Variants in SCAP observed in about 807,000 individuals in gnomAD.
The protein encoded by SCAP is sterol regulatory element-binding protein cleavage-activating protein.
In SCAP, 65 loss-of-function variants were observed where a neutral mutation model predicts 123.6. That is an observed-to-expected ratio of 0.53 (90% CI 0.43 to 0.65). SCAP has a LOEUF of 0.65. Among genes scored for constraint, SCAP ranks in the 30% least tolerant of loss-of-function variants. The pLI, the probability that SCAP is intolerant of heterozygous loss-of-function variation, is 0.00. For missense variants in SCAP, 1,398 were observed against 1,712.5 expected, an observed-to-expected ratio of 0.82 and a Z score of 3.24; for synonymous variants, 740 against 726.3, an observed-to-expected ratio of 1.02 and a Z score of -0.30.
rs151173991 is a variant in SCAP, at chr3:47,457,508, T to C, written c.-98-14417A>G. Among the ~76,000 whole-genome samples the C allele has an allele frequency of 4.6e-5, 7 of 152,330 alleles. No homozygotes were observed. The East Asian group carries it at 1.2e-3, about 25-fold the overall frequency. On this transcript the variant is annotated intron_variant, in intron 1 of 22. Transcript: ENST00000265565. Reference sequence around the variant, plus strand: ...CCTGGTGCTGAGCAGAAAGTCACTATAGGTCTGCTCACTGAGCTAAACTAG... The same window carrying C: ...CCTGGTGCTGAGCAGAAAGTCACTACAGGTCTGCTCACTGAGCTAAACTAG...
At chr3:47,416,386 ACAGCTGC>A (rs958517455) in intron 18 of SCAP, among the ~76,000 whole-genome samples, 3 of 152,244 alleles carry the variant, frequency 2.0e-5, no homozygotes, top group Non-Finnish European at 4.4e-5. Context: ...AGAGCAGAGA[ACAGCTGC>A]CAGCGGCCAA....
chr3:47,467,966 G>T (rs1027691294), intron 1 of SCAP, among the ~76,000 whole-genome samples: 1 of 150,926 alleles, frequency 6.6e-6, no homozygotes, highest in Non-Finnish European at 1.5e-5. Flanking sequence ...GAGAACATGC[G>T]GTGTTTGGTT....
chr3:47,448,018 A>G (rs1014075874), intron 1 of SCAP, among the ~76,000 whole-genome samples: 30 of 151,430 alleles, frequency 2.0e-4, no homozygotes, highest in Non-Finnish European at 1.0e-4. Context: ...AAAAAAAAAA[A>G]AAAAAAAAAA....
At position 47,419,580 on chromosome 3, in the gene SCAP, A is replaced by G. The variant is rs1221434641; in HGVS notation, c.1688T>C (p.Val563Ala). The change falls in exon 13 of 23, where the codon GTG (valine) becomes GCG (alanine). Residue 563 changes from valine (V) to alanine (A), a missense_variant. Transcript: ENST00000265565. The surrounding 1 kb of genome is among the most constrained non-coding windows in gnomAD (Gnocchi z 5.0). ...GCTGGGGGGCAGCATGCCACTAGGC[A>G]CGGGCATGGGAGCCAGGGCTCCCTC... ...LGEGALAPMP[V>A]PSGMLPPSHP... is the part of the protein sequence containing the mutation. 1 of 1,611,204 alleles carries G rather than the reference A, an allele frequency of 6.2e-7. No individual in the cohort carries two copies. Among genetic ancestry groups the G allele is most frequent in the Admixed American group, 1.7e-5 (1 of 59,862 alleles).
rs1419716635 is a variant in SCAP, at chr3:47,420,506, G to A, written c.1563+48C>T. 5 of 1,485,718 alleles carry A rather than the reference G, an allele frequency of 3.4e-6. No individual in the cohort carries two copies. In the Admixed American group the frequency reaches 1.0e-4, roughly 30 times the overall value. 92.0% of individuals were successfully genotyped at this position (1,485,718 alleles called of 1,614,324 possible). A position where few individuals can be genotyped will look rare whatever the true frequency, so the allele number is the denominator to read the frequency against. ...AGTGCAGCACCACAAGGGGCCTGGA[G>A]CACCGGCCCTCCAGAAGAGGGCAGG... On this transcript the variant is annotated intron_variant, in intron 12 of 22. Coordinates refer to ENST00000265565, the MANE Select transcript of SCAP (RefSeq NM_012235.4). This position sits in a 1 kb window ranked among gnomAD's most constrained non-coding sequence, Gnocchi z 5.0.
intron 2 of SCAP, among the ~76,000 whole-genome samples, chr3:47,435,465 AACATACACACACACACAC>A (rs1227548952): frequency 3.6e-4 from 44 of 121,522 alleles, no homozygotes; most frequent in African/African-American, 1.2e-3. Context: ...ATATAATATA[AACATACACACACACACAC>A]ACACACACAC....
chr3:47,453,419 G>T (rs2107962368), intron 1 of SCAP, among the ~76,000 whole-genome samples: 1 of 151,688 alleles, frequency 6.6e-6, no homozygotes, highest in Middle Eastern at 3.4e-3. Flanking sequence ...ACCTGCTTAT[G>T]TCACCCCTTG....
intron 3 of SCAP, among the ~76,000 whole-genome samples, chr3:47,429,297 T>A (rs6800271): frequency 0.58 from 88,198 of 152,166 alleles, 25,716 homozygotes; most frequent in Non-Finnish European, 0.6. Context: ...ACATCTACTA[T>A]GGGCAAAGCA....
intron 5 of SCAP, 32 bp from the exon 6 acceptor site, chr3:47,427,294 G>C: frequency 6.3e-7 from 1 of 1,584,362 alleles, no homozygotes; most frequent in East Asian, 2.2e-5. Flanking sequence ...TACTGACACA[G>C]AAATGACAGC....
chr3:47,437,818 C>T (rs1394264121), intron 2 of SCAP, among the ~76,000 whole-genome samples: 1 of 151,968 alleles, frequency 6.6e-6, no homozygotes, highest in Non-Finnish European at 1.5e-5. Flanking sequence ...AACTATTATC[C>T]TTTATTGGTT....
chr3:47,415,019 A>C, intron 19 of SCAP, 26 bp from the exon 20 acceptor site: 1 of 1,579,560 alleles, frequency 6.3e-7, no homozygotes, highest in Non-Finnish European at 8.6e-7. Flanking sequence ...CAAGTGAAGA[A>C]TCTCTGAGAA....
intron 2 of SCAP, among the ~76,000 whole-genome samples, chr3:47,435,465 AACATACACAC>A (rs1267001947): frequency 0.049 from 5,943 of 121,458 alleles, 231 homozygotes; most frequent in Admixed American, 0.064. Flanking sequence ...ATATAATATA[AACATACACAC>A]ACACACACAC....
intron 1 of SCAP, among the ~76,000 whole-genome samples, chr3:47,457,505 C>A (rs1216242886): frequency 6.6e-6 from 1 of 152,200 alleles, no homozygotes; most frequent in Non-Finnish European, 1.5e-5. Flanking sequence ...CAGAAAGTCA[C>A]TATAGGTCTG....
intron 3 of SCAP, chr3:47,434,762 G>A (rs531163870): frequency 1.1e-4 from 38 of 357,524 alleles, no homozygotes; most frequent in South Asian, 1.0e-3. Flanking sequence ...ACTTGAACCC[G>A]GGAGGCGGAG....
At position 47,417,519 on chromosome 3, in the gene SCAP, C is replaced by T; in HGVS notation, c.2755G>A (p.Val919Met). ...GCCGCCAGCCCCTCCTCCTGGTACACCCGCTGCACCAGGCAGCTGAAGTCA... is the reference window on the plus strand; with the variant it reads ...GCCGCCAGCCCCTCCTCCTGGTACATCCGCTGCACCAGGCAGCTGAAGTCA... ...GYDFSCLVQR[V>M]YQEEGLAAVC... The change falls in exon 17 of 23, where the codon GTG becomes ATG. Residue 919 changes from valine to methionine, a missense_variant. Physicochemically the swap from Val to Met is conservative, Grantham distance 21 (BLOSUM62 1). Around this residue, in one of 7 missense-constraint regions of SCAP, gnomAD observed 828 missense variants for 882.5 expected, o/e 0.94. Coordinates refer to ENST00000265565, the MANE Select transcript of SCAP (RefSeq NM_012235.4). 6.4e-7 allele frequency: 1 copy of T among 1,559,490 alleles called. No individual in the cohort carries two copies. The highest frequency in any genetic ancestry group is 8.7e-7 in the Non-Finnish European group (1 of 1,152,358).
rs754966611 is a variant in SCAP, at chr3:47,419,649, C to T, written c.1619G>A (p.Arg540His). The T allele has an allele frequency of 8.3e-6, 13 of 1,563,826 alleles. No individual in the cohort carries two copies. The highest frequency in any genetic ancestry group is 3.6e-5 in the Admixed American group (2 of 55,104). ...ILVYTDPAGL[R>H]NYLAAQVTEQ... ...CGTCACCTGGGCAGCGAGGTAGTTG[C>T]GCAGCCCTGCTGGGTCTGTGTATAC... is the stretch of plus-strand genomic sequence containing the variant. The change falls in exon 13 of 23, where the codon CGC (arginine) becomes CAC (histidine). Residue 540 changes from arginine to histidine, a missense_variant. Transcript: ENST00000265565. This position sits in a 1 kb window ranked among gnomAD's most constrained non-coding sequence, Gnocchi z 5.0.
intron 1 of SCAP, among the ~76,000 whole-genome samples, chr3:47,472,052 C>A (rs1240639077): frequency 6.8e-6 from 1 of 147,344 alleles, no homozygotes; most frequent in Non-Finnish European, 1.5e-5. Flanking sequence ...AGGCAGGAGA[C>A]CAAGATTGCA....
intron 1 of SCAP, among the ~76,000 whole-genome samples, chr3:47,455,947 G>A (rs546704697): frequency 2.0e-5 from 3 of 152,262 alleles, no homozygotes; most frequent in African/African-American, 7.2e-5. Flanking sequence ...TAATGTAACA[G>A]AACAGAATGT....
chr3:47,423,556 G>A (rs1312259953), intron 9 of SCAP, among the ~76,000 whole-genome samples: 1 of 152,206 alleles, frequency 6.6e-6, no homozygotes, highest in African/African-American at 2.4e-5. Flanking sequence ...AATATGCCCT[G>A]CTAATTTTTC....
Sources: gnomAD v4.1 joint callset for allele counts (sites outside exome capture counted in the v4.1 genomes callset) on GRCh38, gnomAD v4.1.1 for gene constraint, gnomAD v4.1.1 regional missense constraint, Gnocchi (gnomAD v3.1) non-coding constraint, MANE v1.5 for transcripts, NCBI Gene and HGNC (gene_info 2026-07-23, HGNC 2026-07-21) for gene names.